NREP: variants seen among roughly 807,000 people sequenced by gnomAD.
NREP encodes the protein neuronal regeneration-related protein.
A neutral mutation model predicts 8.6 loss-of-function variants in NREP; 5 were observed. The ratio of observed to expected loss-of-function variants is 0.58; its 90% confidence interval spans 0.30 to 1.22. The LOEUF (loss-of-function observed/expected upper bound fraction) is 1.22, where lower values mean the gene tolerates loss of function less well. Among genes scored for constraint, NREP ranks in the 50% most tolerant of loss-of-function variants. The probability of loss-of-function intolerance (pLI) is 0.07; values close to 1 mark genes in which losing one functional copy is unlikely to be tolerated. For synonymous variants in NREP, 27 were observed against 28.0 expected (o/e 0.96, Z 0.11); for missense variants, 86 against 82.5 (o/e 1.04, Z -0.17).
chr5:111,747,297 A>G (rs763203031), intron 2 of NREP, among the ~76,000 whole-genome samples: 6 of 152,176 alleles, frequency 3.9e-5, no homozygotes, highest in Middle Eastern at 3.2e-3. Context: ...AATAAGTTAT[A>G]TATCAGACAC....
intron 2 of NREP, chr5:111,738,727 G>A (rs924395694): frequency 1.6e-4 from 25 of 152,182 alleles, no homozygotes; most frequent in Non-Finnish European, 2.9e-5. Flanking sequence ...GTTATGGGCT[G>A]ACTTGTATCA....
chr5:111,830,381 G>C (rs1457322350), intron 2 of NREP, among the ~76,000 whole-genome samples: 1 of 152,202 alleles, frequency 6.6e-6, no homozygotes, highest in African/African-American at 2.4e-5. Flanking sequence ...GCCACTGGAA[G>C]AGTCAATCCT....
chr5:111,759,555 AT>A (rs1750913201), upstream of NREP, among the ~76,000 whole-genome samples: 1 of 151,640 alleles, frequency 6.6e-6, no homozygotes. Context: ...CTCTTGGCCA[AT>A]TTTTCTTCAT....
At chr5:111,846,554 T>C (rs1485818497) in intron 2 of NREP, 1 of 151,602 alleles carries the variant, frequency 6.6e-6, no homozygotes, top group African/African-American at 2.4e-5. Context: ...GCTCTTCCAG[T>C]GGAGCTGACC....
rs527884888 is a variant in NREP at position 111,860,248 on chromosome 5, T to A, written c.135+115026A>T. On this transcript the variant is annotated intron_variant, in intron 2 of 3. Coordinates refer to the NREP transcript ENST00000395634. ...TGTCTCCACAAATGATACCACTGTC[T>A]CCCTCAGACTACACTGAAGACCTTA... 1.3e-4 allele frequency among the ~76,000 whole-genome samples: 20 copies of A among 152,102 alleles called. No homozygotes were observed. In the South Asian group the frequency reaches 4.2e-3, roughly 32 times the overall value.
chr5:111,950,024 T>C (rs913270660), intron 2 of NREP, among the ~76,000 whole-genome samples: 1 of 152,100 alleles, frequency 6.6e-6, no homozygotes, highest in Non-Finnish European at 1.5e-5. Flanking sequence ...CCACAATGGT[T>C]GAACTAATTT....
chr5:111,908,356 T>G (rs1754826377), intron 2 of NREP, among the ~76,000 whole-genome samples: 1 of 152,030 alleles, frequency 6.6e-6, no homozygotes, highest in Admixed American at 6.6e-5. Context: ...ATGCTGAGAT[T>G]TGGGGTATGA....
At chr5:111,925,064 G>A (rs997044063) in intron 2 of NREP, among the ~76,000 whole-genome samples, 4 of 152,080 alleles carry the variant, frequency 2.6e-5, no homozygotes, top group East Asian at 1.9e-4. Context: ...ATCGTGCTAC[G>A]GGAAGAGGGG....
intron 2 of NREP, among the ~76,000 whole-genome samples, chr5:111,805,811 C>T (rs1752127091): frequency 6.6e-6 from 1 of 152,078 alleles, no homozygotes. Flanking sequence ...ATTGGTGAAT[C>T]TAGATTTCAG....
chr5:111,759,140 G>A (rs531825154), upstream of NREP, among the ~76,000 whole-genome samples: 36 of 152,148 alleles, frequency 2.4e-4, no homozygotes, highest in Non-Finnish European at 2.8e-4. Context: ...AGACGCCTGG[G>A]GGCTGATCTG....
chr5:111,788,292 G>A (rs972683303), intron 2 of NREP, among the ~76,000 whole-genome samples: 10 of 152,160 alleles, frequency 6.6e-5, no homozygotes, highest in African/African-American at 2.2e-4. Flanking sequence ...TGCATTTCTG[G>A]TATAGGAAAT....
intron 3 of NREP, chr5:111,732,654 A>C (rs1439131071): frequency 1.1e-5 from 1 of 90,750 alleles, no homozygotes; most frequent in Non-Finnish European, 2.4e-5. Context: ...ACACAGTCCC[A>C]AAATTTAAAA....
At chr5:111,861,560 G>A (rs1478889708) in intron 2 of NREP, among the ~76,000 whole-genome samples, 4 of 152,098 alleles carry the variant, frequency 2.6e-5, no homozygotes, top group Non-Finnish European at 4.4e-5. Flanking sequence ...TTTGATAGCA[G>A]AAGGAGCCAT....
chr5:111,789,490 C>G (rs1206167739), intron 2 of NREP, among the ~76,000 whole-genome samples: 4 of 152,152 alleles, frequency 2.6e-5, no homozygotes, highest in Non-Finnish European at 5.9e-5. Context: ...ATAGACTTAT[C>G]TTTGACAAAT....
chr5:111,830,246 A>G (rs1306664676), intron 2 of NREP, among the ~76,000 whole-genome samples: 2 of 152,178 alleles, frequency 1.3e-5, no homozygotes, highest in East Asian at 3.8e-4. Context: ...TGGCCCCCTA[A>G]AGATCGGACA....
chr5:111,812,328 T>C (rs1216834292), intron 2 of NREP, among the ~76,000 whole-genome samples: 1 of 152,080 alleles, frequency 6.6e-6, no homozygotes, highest in Non-Finnish European at 1.5e-5. Context: ...CAAACTTTAG[T>C]TTTTAAGAAA....
chr5:111,942,762 AGAGATTAAGAACATG>A (rs989437314), intron 2 of NREP, among the ~76,000 whole-genome samples: 1 of 152,100 alleles, frequency 6.6e-6, no homozygotes, highest in Non-Finnish European at 1.5e-5. Context: ...TGTACATAAA[AGAGATTAAGAACATG>A]GACTCAAAAG....
intron 2 of NREP, among the ~76,000 whole-genome samples, chr5:111,851,250 G>A (rs886385763): frequency 6.6e-6 from 1 of 152,094 alleles, no homozygotes; most frequent in South Asian, 2.1e-4. Flanking sequence ...TTTATTAAGA[G>A]CCTTCAATGT....
chr5:111,790,665 A>G (rs2112892953), intron 2 of NREP, among the ~76,000 whole-genome samples: 1 of 152,302 alleles, frequency 6.6e-6, no homozygotes, highest in Non-Finnish European at 1.5e-5. Context: ...AACAAATTAA[A>G]TGCAGAATAT....
Sources: allele counts gnomAD v4.1 joint callset (sites outside exome capture counted in the v4.1 genomes callset), GRCh38; gene constraint gnomAD v4.1.1; transcripts MANE v1.5; gene names NCBI Gene and HGNC (gene_info 2026-07-23, HGNC 2026-07-21).